The following PYHIN1 variants were observed in gnomAD, a reference collection of about 807,000 sequenced individuals.
The protein encoded by PYHIN1 is pyrin and HIN domain family member 1.
A neutral mutation model predicts 43.7 loss-of-function variants in PYHIN1; 32 were observed. That is an observed-to-expected ratio of 0.73 (90% CI 0.55 to 0.98). The LOEUF (loss-of-function observed/expected upper bound fraction) is 0.98. Among genes scored for constraint, PYHIN1 ranks in the 50% least tolerant of loss-of-function variants. The pLI, the probability that PYHIN1 is intolerant of heterozygous loss-of-function variation, is 0.00. For synonymous variants in PYHIN1, 205 were observed against 203.1 expected, an observed-to-expected ratio of 1.01 and a Z score of -0.08; for missense variants, 588 against 589.5, an observed-to-expected ratio of 1.00 and a Z score of 0.03.
intron 7 of PYHIN1, among the ~76,000 whole-genome samples, chr1:158,946,352 G>A (rs1192392380): frequency 6.6e-6 from 1 of 152,122 alleles, no homozygotes; most frequent in Non-Finnish European, 1.5e-5. Flanking sequence ...AAAATTATAT[G>A]ATTGAGGAGA....
chr1:158,959,342 C>T (rs931924824), intron 7 of PYHIN1, among the ~76,000 whole-genome samples: 4 of 151,460 alleles, frequency 2.6e-5, no homozygotes, highest in Non-Finnish European at 5.9e-5. Flanking sequence ...ACTTAATTGA[C>T]AAATCCTTTT....
intron 7 of PYHIN1, among the ~76,000 whole-genome samples, chr1:158,965,981 T>G (rs553231306): frequency 1.3e-4 from 19 of 151,092 alleles, no homozygotes; most frequent in African/African-American, 4.3e-4. Context: ...TAAGAAAGAT[T>G]GCTAGATAGA....
At chr1:158,941,153 C>A (rs570761433) in intron 4 of PYHIN1, among the ~76,000 whole-genome samples, 3 of 152,308 alleles carry the variant, frequency 2.0e-5, no homozygotes, top group Non-Finnish European at 4.4e-5. Flanking sequence ...TCAGACCACT[C>A]CAGGAGCTGC....
At chr1:158,945,167 C>T (rs532790228) in intron 7 of PYHIN1, 125 bp downstream of exon 7, 70 of 986,048 alleles carry the variant, frequency 7.1e-5, no homozygotes, top group Non-Finnish European at 9.7e-5. Context: ...ATTAAATCAC[C>T]CATGTATTTA....
chr1:158,989,576 C>G, the PYHIN1 span, among the ~76,000 whole-genome samples: 8 of 152,110 alleles, frequency 5.3e-5, no homozygotes, highest in Non-Finnish European at 8.8e-5. Context: ...CATCATGTAA[C>G]GATGAAAGTA....
At chr1:158,972,564 T>G (rs1241083789) in intron 7 of PYHIN1, among the ~76,000 whole-genome samples, 1 of 151,812 alleles carries the variant, frequency 6.6e-6, no homozygotes, top group Admixed American at 6.6e-5. Context: ...AATACAAGAG[T>G]GTGTTCCTCT....
At chr1:158,956,078 C>G (rs1332256354) in intron 7 of PYHIN1, among the ~76,000 whole-genome samples, 1 of 145,370 alleles carries the variant, frequency 6.9e-6, no homozygotes, top group African/African-American at 2.6e-5. Flanking sequence ...CTGAATAGAC[C>G]AATAACAGGA....
At chr1:158,953,274 C>T (rs1172876139) in intron 7 of PYHIN1, among the ~76,000 whole-genome samples, 3 of 133,268 alleles carry the variant, frequency 2.3e-5, no homozygotes, top group Non-Finnish European at 3.3e-5. Context: ...CTGCCTGCCT[C>T]TGTAGACTCC....
chr1:158,938,947 A>G lies in PYHIN1; in HGVS notation c.412-133A>G, dbSNP rs553008574. The G allele has an allele frequency of 1.8e-4, 105 of 594,012 alleles. 1 individual carries two copies. The highest frequency in any genetic ancestry group is 1.4e-3 in the African/African-American group (72 of 52,144). 36.8% of individuals were successfully genotyped at this position (594,012 alleles called of 1,614,324 possible). The stretch of plus-strand genomic sequence containing the variant: ...AAACCATCTATGCCATGTTCTTTCA[A>G]TTGGCCTGGGGATGTACTTAAGTTT... On this transcript the variant is annotated intron_variant, in intron 3 of 8. Coordinates refer to ENST00000368140, the MANE Select transcript of PYHIN1 (RefSeq NM_152501.5).
At chr1:158,967,458 A>C (rs1272233355) in intron 7 of PYHIN1, among the ~76,000 whole-genome samples, 1 of 152,036 alleles carries the variant, frequency 6.6e-6, no homozygotes, top group Admixed American at 6.6e-5. Context: ...ACAAACAAAT[A>C]GGAAAAGTTC....
chr1:158,988,817 AAATGCTT>A, the PYHIN1 span, among the ~76,000 whole-genome samples: 7 of 152,358 alleles, frequency 4.6e-5, no homozygotes, highest in African/African-American at 1.7e-4. Context: ...AGCATTTGAA[AAATGCTT>A]ATTCTATTCA....
chr1:158,941,973 G>T lies in PYHIN1; in HGVS notation c.580-4G>T, dbSNP rs376567922. ...TTTTTGTATTCCTTTTGTATCATGC[G>T]CAGAGCCTAAAACCATTGGCCAACC... On this transcript the variant is annotated splice_region_variant and splice_polypyrimidine_tract_variant and intron_variant, in intron 4 of 8. Coordinates refer to ENST00000368140, the MANE Select transcript of PYHIN1 (RefSeq NM_152501.5). 1.3e-6 allele frequency: 2 copies of T among 1,584,648 alleles called. No individual in the cohort carries two copies. Among genetic ancestry groups the T allele is most frequent in the Non-Finnish European group, 8.6e-7 (1 of 1,167,786 alleles).
intron 7 of PYHIN1, among the ~76,000 whole-genome samples, chr1:158,948,049 A>C (rs1649321961): frequency 6.6e-6 from 1 of 152,088 alleles, no homozygotes; most frequent in African/African-American, 2.4e-5. Flanking sequence ...ACTGAACTAC[A>C]ACATGTCCCC....
At chr1:158,980,299 A>T (rs1047565914), downstream of PYHIN1, among the ~76,000 whole-genome samples, 1 of 152,136 alleles carries the variant, frequency 6.6e-6, no homozygotes, top group African/African-American at 2.4e-5. Context: ...AAAACATGTG[A>T]GTTTGAAAAA....
At chr1:158,979,329 C>T (rs947335833), downstream of PYHIN1, among the ~76,000 whole-genome samples, 2 of 152,134 alleles carry the variant, frequency 1.3e-5, no homozygotes, top group Non-Finnish European at 1.5e-5. Context: ...CCCCAGCTAA[C>T]CACCATTTTA....
chr1:158,951,704 A>G (rs1481459266), intron 7 of PYHIN1, among the ~76,000 whole-genome samples: 1 of 152,226 alleles, frequency 6.6e-6, no homozygotes, highest in Non-Finnish European at 1.5e-5. Context: ...GGTGAATCTC[A>G]AGGACTATTA....
At chr1:158,954,462 A>G (rs1328701002) in intron 7 of PYHIN1, among the ~76,000 whole-genome samples, 1 of 141,356 alleles carries the variant, frequency 7.1e-6, no homozygotes, top group Non-Finnish European at 1.5e-5. Flanking sequence ...TTCTTAAAGA[A>G]AAGAATTTTC....
chr1:158,946,248 G>C (rs1182121820), intron 7 of PYHIN1, among the ~76,000 whole-genome samples: 4 of 152,102 alleles, frequency 2.6e-5, no homozygotes, highest in Admixed American at 2.6e-4. Context: ...ATAACAGAGT[G>C]CTTTTTATAT....
chr1:158,962,984 C>CTGGT (rs1650414219), intron 7 of PYHIN1, among the ~76,000 whole-genome samples: 1 of 152,130 alleles, frequency 6.6e-6, no homozygotes, highest in Non-Finnish European at 1.5e-5. Flanking sequence ...ACACCACAGT[C>CTGGT]ACCATACAGG....
Sources: gnomAD v4.1 joint callset for allele counts (sites outside exome capture counted in the v4.1 genomes callset) on GRCh38, gnomAD v4.1.1 for gene constraint, MANE v1.5 for transcripts, NCBI Gene and HGNC (gene_info 2026-07-23, HGNC 2026-07-21) for gene names.